The following MAF variants were observed in gnomAD, a reference collection of about 807,000 sequenced individuals.
The protein encoded by MAF is transcription factor Maf.
MAF carries 10 observed loss-of-function variants against 22.0 expected under a neutral mutation model. The observed-to-expected ratio is 0.45, with a 90% CI of 0.28 to 0.77. MAF has a LOEUF of 0.77. Among genes scored for constraint, MAF ranks in the 30% least tolerant of loss-of-function variants. The probability of loss-of-function intolerance (pLI) is 0.12; values close to 1 mark genes in which losing one functional copy is unlikely to be tolerated. For synonymous variants in MAF, 337 were observed against 255.8 expected (o/e 1.32, Z -3.03); for missense variants, 544 against 548.4 (o/e 0.99, Z 0.08).
chr16:79,395,085 G>A, the MAF span, among the ~76,000 whole-genome samples: 1 of 152,230 alleles, frequency 6.6e-6, no homozygotes, highest in African/African-American at 2.4e-5. Context: ...ATCTACCCCA[G>A]GCGGAGAGAA....
At chr16:79,256,654 G>T in the MAF span, among the ~76,000 whole-genome samples, 1 of 152,120 alleles carries the variant, frequency 6.6e-6, no homozygotes, top group Non-Finnish European at 1.5e-5. Flanking sequence ...CAGGTCTCCC[G>T]TTATAAGTGG....
At chr16:79,301,016 G>A in the MAF span, among the ~76,000 whole-genome samples, 17 of 151,588 alleles carry the variant, frequency 1.1e-4, no homozygotes, top group African/African-American at 4.1e-4. Flanking sequence ...GGAAAGGGAG[G>A]GGACACTCAG....
chr16:79,246,540 TGG>T, the MAF span, among the ~76,000 whole-genome samples: 1 of 101,372 alleles, frequency 9.9e-6, no homozygotes, highest in Admixed American at 9.7e-5. Flanking sequence ...AGGTTTTTTT[TGG>T]GGGGGGTGTG....
the MAF span, among the ~76,000 whole-genome samples, chr16:79,328,891 G>T: frequency 6.6e-6 from 1 of 152,156 alleles, no homozygotes; most frequent in Non-Finnish European, 1.5e-5. Context: ...TCTCAGTTTT[G>T]TGTTGCTTGT....
At chr16:79,275,297 G>A in the MAF span, among the ~76,000 whole-genome samples, 21 of 152,322 alleles carry the variant, frequency 1.4e-4, 1 homozygote, top group South Asian at 2.1e-3. Flanking sequence ...GTTGCAGTGA[G>A]ATTTTGCCAT....
chr16:79,564,118 C>A, the MAF span, among the ~76,000 whole-genome samples: 32 of 152,384 alleles, frequency 2.1e-4, no homozygotes, highest in Non-Finnish European at 3.8e-4. Context: ...GCCGCCCCTT[C>A]AGGCCTCCTG....
the MAF span, among the ~76,000 whole-genome samples, chr16:79,247,291 A>G: frequency 3.3e-5 from 5 of 152,240 alleles, no homozygotes; most frequent in African/African-American, 1.2e-4. Context: ...GCATCTTGAA[A>G]TTACTGGCAT....
chr16:79,353,548 G>A, the MAF span, among the ~76,000 whole-genome samples: 1 of 152,158 alleles, frequency 6.6e-6, no homozygotes, highest in Non-Finnish European at 1.5e-5. Context: ...CGGGCACTGA[G>A]AGTCGCCGGT....
chr16:79,455,979 C>T, the MAF span, among the ~76,000 whole-genome samples: 1 of 152,200 alleles, frequency 6.6e-6, no homozygotes, highest in South Asian at 2.1e-4. Flanking sequence ...GATCTTGCCA[C>T]TGCACTCCAG....
At chr16:79,217,498 G>A in the MAF span, among the ~76,000 whole-genome samples, 1 of 152,198 alleles carries the variant, frequency 6.6e-6, no homozygotes, top group Non-Finnish European at 1.5e-5. Flanking sequence ...CATTTATCCA[G>A]CAATATTGGC....
the MAF span, among the ~76,000 whole-genome samples, chr16:79,302,245 T>C: frequency 6.6e-6 from 1 of 152,140 alleles, no homozygotes; most frequent in African/African-American, 2.4e-5. Flanking sequence ...GCCCAGTGAG[T>C]TGGAGACACA....
the MAF span, among the ~76,000 whole-genome samples, chr16:79,517,820 C>T: frequency 6.6e-6 from 1 of 152,072 alleles, no homozygotes; most frequent in African/African-American, 2.4e-5. Flanking sequence ...AGTGTTCCAC[C>T]CGCCTCGGCC....
chr16:79,446,200 C>T, the MAF span, among the ~76,000 whole-genome samples: 1 of 152,188 alleles, frequency 6.6e-6, no homozygotes, highest in Non-Finnish European at 1.5e-5. Context: ...CTAAGCTATG[C>T]AGATCCTCTG....
At chr16:79,265,832 A>G in the MAF span, among the ~76,000 whole-genome samples, 3 of 152,178 alleles carry the variant, frequency 2.0e-5, no homozygotes, top group African/African-American at 7.2e-5. Context: ...CTTTGGGGCT[A>G]CTACCAAATG....
At chr16:79,294,444 G>C in the MAF span, among the ~76,000 whole-genome samples, 111,073 of 152,090 alleles carry the variant, frequency 0.73, 42,199 homozygotes, top group East Asian at 0.96. Context: ...GGCTACCTTG[G>C]GTCAGTCACT....
chr16:79,383,024 T>G, the MAF span, among the ~76,000 whole-genome samples: 1 of 152,240 alleles, frequency 6.6e-6, no homozygotes, highest in Non-Finnish European at 1.5e-5. Flanking sequence ...TGTACACTAT[T>G]TCAGTTGCTT....
chr16:79,212,708 G>GTTTGT, the MAF span: 1 of 148,560 alleles, frequency 6.7e-6, no homozygotes, highest in African/African-American at 2.4e-5. Flanking sequence ...GTTTGTTTCA[G>GTTTGT]TTTGTTTTTG....
the MAF span, among the ~76,000 whole-genome samples, chr16:79,504,737 A>G: frequency 6.6e-6 from 1 of 152,160 alleles, no homozygotes; most frequent in African/African-American, 2.4e-5. Flanking sequence ...AAATGAAACT[A>G]TGTCTTCAAA....
chr16:79,227,824 G>T, the MAF span, among the ~76,000 whole-genome samples: 1 of 151,970 alleles, frequency 6.6e-6, no homozygotes, highest in African/African-American at 2.4e-5. Flanking sequence ...AAAAATATCA[G>T]CAATGTCAAT....
Sources: gnomAD v4.1 joint callset for allele counts (sites outside exome capture counted in the v4.1 genomes callset) on GRCh38, gnomAD v4.1.1 for gene constraint, MANE v1.5 for transcripts, NCBI Gene and HGNC (gene_info 2026-07-23, HGNC 2026-07-21) for gene names.